Variants in DRD2 observed in about 807,000 individuals in gnomAD.
DRD2 encodes the protein dopamine receptor D2, also known as D(2) dopamine receptor.
Under a neutral mutation model 38.0 loss-of-function variants are expected in DRD2, and 8 were observed. That is an observed-to-expected ratio of 0.21 (90% CI 0.12 to 0.38). DRD2 has a LOEUF of 0.38. Ranked by LOEUF, DRD2 falls within the 10% of genes least tolerant of loss-of-function variation. DRD2 has a pLI of 1.00. For synonymous variants in DRD2, 230 were observed against 238.6 expected (o/e 0.96, Z 0.33); for missense variants, 403 against 607.7 (o/e 0.66, Z 3.54).
chr11:113,448,878 G>A (rs762409769), intron 1 of DRD2, among the ~76,000 whole-genome samples: 1 of 152,242 alleles, frequency 6.6e-6, no homozygotes, highest in Non-Finnish European at 1.5e-5. Flanking sequence ...TCAGCAGGGG[G>A]CCAAATTCAA....
At chr11:113,455,949 G>C (rs1036245429) in intron 1 of DRD2, among the ~76,000 whole-genome samples, 6 of 152,180 alleles carry the variant, frequency 3.9e-5, no homozygotes, top group Non-Finnish European at 5.9e-5. Flanking sequence ...TGTCTCCAAA[G>C]GAACTAAGAT....
intron 1 of DRD2, among the ~76,000 whole-genome samples, chr11:113,427,033 G>A (rs193119650): frequency 2.6e-5 from 4 of 152,258 alleles, no homozygotes; most frequent in South Asian, 2.1e-4. Context: ...CCTGACCATC[G>A]CTCTCTTCTT....
At position 113,414,444 on chromosome 11, in the gene DRD2, G is replaced by A. The variant is rs80350280; in HGVS notation, c.741C>T (p.Pro247=). 1,517 of 1,614,150 alleles carry A rather than the reference G, an allele frequency of 9.4e-4. 1 individual carries two copies. The highest frequency in any genetic ancestry group is 5.1e-3 in the African/African-American group (381 of 75,030). Reference sequence around the variant, plus strand: ...TAACGGTGCAGAGTTTCATGTCCTCGGGGTGAGTACAGTTGCCCTGTGGAG... The same window carrying A: ...TAACGGTGCAGAGTTTCATGTCCTCAGGGTGAGTACAGTTGCCCTGTGGAG... ...RAPLKGNCTH[P]EDMKLCTVIM... The change falls in exon 6 of 8, where the codon CCC becomes CCT. Residue 247 remains proline, a synonymous_variant. Transcript: ENST00000362072.
At chr11:113,414,216 T>C in intron 6 of DRD2, 159 bp downstream of exon 6, 1 of 770,816 alleles carries the variant, frequency 1.3e-6, no homozygotes, top group Non-Finnish European at 2.4e-6. Context: ...TCATGCCTGC[T>C]TGGAGGTGTG....
At chr11:113,466,211 T>C (rs897226419) in intron 1 of DRD2, among the ~76,000 whole-genome samples, 3 of 152,218 alleles carry the variant, frequency 2.0e-5, no homozygotes, top group Non-Finnish European at 4.4e-5. Context: ...AAAAGTGCTT[T>C]GTGGAAAGAT....
At chr11:113,472,607 C>T (rs1241813118) in intron 1 of DRD2, among the ~76,000 whole-genome samples, 2 of 152,178 alleles carry the variant, frequency 1.3e-5, no homozygotes, top group Non-Finnish European at 2.9e-5. Flanking sequence ...GCTTATGGAA[C>T]AAAAGAACCA....
At chr11:113,414,680 G>T (rs1167107219) in intron 5 of DRD2, among the ~76,000 whole-genome samples, 1 of 152,194 alleles carries the variant, frequency 6.6e-6, no homozygotes, top group Non-Finnish European at 1.5e-5. Flanking sequence ...TTTTTATGGA[G>T]CACCTGCTAA....
At chr11:113,469,328 C>T (rs1053823433) in intron 1 of DRD2, among the ~76,000 whole-genome samples, 3 of 152,136 alleles carry the variant, frequency 2.0e-5, no homozygotes, top group African/African-American at 4.8e-5. Flanking sequence ...TTTATTCATC[C>T]TTCTCCATCT....
intron 1 of DRD2, among the ~76,000 whole-genome samples, chr11:113,474,798 C>A (rs1000031874): frequency 5.9e-5 from 9 of 152,054 alleles, no homozygotes; most frequent in African/African-American, 2.2e-4. Flanking sequence ...GAGGCTGCCC[C>A]AGCTGCGCCC....
intron 1 of DRD2, among the ~76,000 whole-genome samples, chr11:113,427,791 T>C (rs570409704): frequency 1.2e-4 from 19 of 152,304 alleles, no homozygotes; most frequent in African/African-American, 4.6e-4. Flanking sequence ...ACAAAATGTA[T>C]ATGTTGAAGT....
chr11:113,462,807 T>C (rs1479845523), intron 1 of DRD2, among the ~76,000 whole-genome samples: 2 of 152,230 alleles, frequency 1.3e-5, no homozygotes, highest in African/African-American at 2.4e-5. Flanking sequence ...GAGGAAAATA[T>C]TCACTCATTC....
Position 113,412,763 on chromosome 11 carries a change from A to G in DRD2, c.931T>C (p.Ser311Pro), listed in dbSNP as rs1157342244. The G allele has an allele frequency of 1.2e-6, 2 of 1,613,206 alleles. No homozygotes were observed. Among genetic ancestry groups the G allele is most frequent in the South Asian group, 2.2e-5 (2 of 90,970 alleles). ...GGAGTGCTGTGGAGACCATGGTGGG[A>G]CGGGTCGGGGAGAGTCAGCTGGTGG... ...SHHQLTLPDP[S>P]HHGLHSTPDS... The change falls in exon 7 of 8, where the codon TCC (serine) becomes CCC (proline). Residue 311 changes from serine (S) to proline (P), a missense_variant. Ser to Pro is a moderately conservative substitution (Grantham distance 74, BLOSUM62 -1). Transcript: ENST00000362072.
rs527942874 is a variant in DRD2, at chr11:113,412,727, C to G, written c.967G>C (p.Ala323Pro). ...GCATGCCCATTCTTCTCTGGTTTGGCGGGGCTGTCGGGAGTGCTGTGGAGA... is the reference window on the plus strand; with the variant it reads ...GCATGCCCATTCTTCTCTGGTTTGGGGGGGCTGTCGGGAGTGCTGTGGAGA... Reference protein sequence around the residue: ...HGLHSTPDSPAKPEKNGHAKD... With the variant: ...HGLHSTPDSPPKPEKNGHAKD... Residue 323 changes from alanine to proline, a missense_variant, in exon 7 of 8, where the codon GCC becomes CCC. By Grantham distance (27) the Ala-to-Pro change is conservative. Coordinates refer to ENST00000362072, the MANE Select transcript of DRD2 (RefSeq NM_000795.4). 1 of 1,613,926 alleles carries G rather than the reference C, an allele frequency of 6.2e-7. No individual in the cohort carries two copies. The highest frequency in any genetic ancestry group is 2.2e-5 in the East Asian group (1 of 44,870).
intron 1 of DRD2, among the ~76,000 whole-genome samples, chr11:113,462,389 G>T (rs1161193133): frequency 6.6e-6 from 1 of 152,182 alleles, no homozygotes; most frequent in African/African-American, 2.4e-5. Context: ...GGATAAGATA[G>T]GTTCATTCTG....
At chr11:113,472,072 C>T (rs982583496) in intron 1 of DRD2, among the ~76,000 whole-genome samples, 5 of 152,164 alleles carry the variant, frequency 3.3e-5, no homozygotes, top group African/African-American at 7.2e-5. Context: ...AGCCACAAAG[C>T]GGGGAGAAGT....
Position 113,452,844 on chromosome 11 carries a change from G to A in DRD2, c.-32+22232C>T, listed in dbSNP as rs181446663. ...TGTATTTTTTTTTAGTAGAGACGGG[G>A]TTTCACCATGTTGGCCAGGCTGGTC... On this transcript the variant is annotated intron_variant, in intron 1 of 7. Coordinates refer to ENST00000362072, the MANE Select transcript of DRD2 (RefSeq NM_000795.4). Among the ~76,000 whole-genome samples the A allele has an allele frequency of 2.1e-4, 32 of 151,766 alleles. No individual in the cohort carries two copies. The East Asian group carries it at 5.8e-3, about 28-fold the overall frequency.
At chr11:113,414,981 G>C (rs750723245) in intron 5 of DRD2, among the ~76,000 whole-genome samples, 3 of 152,182 alleles carry the variant, frequency 2.0e-5, no homozygotes, top group Non-Finnish European at 2.9e-5. Flanking sequence ...TGAAAGAGAA[G>C]CACAGGAGAG....
intron 5 of DRD2, 21 bp downstream of exon 5, chr11:113,415,400 G>T (rs201954853): frequency 6.2e-7 from 1 of 1,602,738 alleles, no homozygotes; most frequent in Non-Finnish European, 8.5e-7. Context: ...CCTTGGAGTT[G>T]GTTGGGGGGT....
At chr11:113,437,508 G>C (rs1951050034) in intron 1 of DRD2, among the ~76,000 whole-genome samples, 1 of 152,188 alleles carries the variant, frequency 6.6e-6, no homozygotes, top group Non-Finnish European at 1.5e-5. Context: ...GAGGGAAGTT[G>C]AGGTCCAGGC....
Sources: gnomAD v4.1 joint callset for allele counts (sites outside exome capture counted in the v4.1 genomes callset) on GRCh38, gnomAD v4.1.1 for gene constraint, MANE v1.5 for transcripts, NCBI Gene and HGNC (gene_info 2026-07-23, HGNC 2026-07-21) for gene names.